Variants in EVL observed in about 807,000 individuals in gnomAD.
EVL encodes Enah/Vasp-like.
In EVL, 21 loss-of-function variants were observed where a neutral mutation model predicts 59.6. The observed-to-expected ratio is 0.35, with a 90% CI of 0.25 to 0.51. The LOEUF is 0.51. EVL is among the 20% of genes least tolerant of loss of function. EVL has a pLI of 0.97. For missense variants in EVL, 462 were observed against 546.6 expected, an observed-to-expected ratio of 0.85 and a Z score of 1.54; for synonymous variants, 198 against 203.5, an observed-to-expected ratio of 0.97 and a Z score of 0.23.
intron 3 of EVL, among the ~76,000 whole-genome samples, chr14:100,121,837 T>G (rs1595219241): frequency 1.3e-5 from 2 of 152,234 alleles, no homozygotes; most frequent in East Asian, 3.9e-4. Context: ...CACAGAAGGA[T>G]CTTGCGACAG....
chr14:100,011,614 A>C (rs1186177454), intron 1 of EVL, among the ~76,000 whole-genome samples: 1 of 152,172 alleles, frequency 6.6e-6, no homozygotes, highest in African/African-American at 2.4e-5. Flanking sequence ...TGAGCATATA[A>C]GCATCTTGGA....
At chr14:100,143,136 T>A (rs984591733) in intron 13 of EVL, among the ~76,000 whole-genome samples, 4 of 151,284 alleles carry the variant, frequency 2.6e-5, no homozygotes, top group African/African-American at 9.7e-5. Flanking sequence ...AGGCCGGGGG[T>A]TGGAGCACTA....
chr14:99,996,321 G>A (rs916825593), intron 1 of EVL, among the ~76,000 whole-genome samples: 4 of 152,060 alleles, frequency 2.6e-5, no homozygotes, highest in Admixed American at 2.6e-4. Context: ...ATCTAACATT[G>A]TTAATTCATC....
intron 1 of EVL, among the ~76,000 whole-genome samples, chr14:100,048,643 A>G (rs950228999): frequency 2.0e-5 from 3 of 152,246 alleles, no homozygotes; most frequent in African/African-American, 7.2e-5. Context: ...ATGAAAGCTT[A>G]CGTTCGTGAC....
At chr14:99,993,828 A>T (rs796804384) in intron 1 of EVL, among the ~76,000 whole-genome samples, 1 of 150,696 alleles carries the variant, frequency 6.6e-6, no homozygotes, top group Non-Finnish European at 1.5e-5. Context: ...AGTAGCTGGG[A>T]TTACAGGTGC....
chr14:100,101,149 C>G (rs1886192904), intron 3 of EVL, among the ~76,000 whole-genome samples: 1 of 152,090 alleles, frequency 6.6e-6, no homozygotes, highest in South Asian at 2.1e-4. Context: ...CACCTGAGGT[C>G]AAGAGTTCGA....
intron 3 of EVL, among the ~76,000 whole-genome samples, chr14:100,113,291 C>G (rs896322647): frequency 3.9e-5 from 6 of 152,114 alleles, no homozygotes; most frequent in Admixed American, 3.3e-4. Flanking sequence ...AGCGTAACAT[C>G]CCAGGCTTAG....
intron 1 of EVL, among the ~76,000 whole-genome samples, chr14:99,981,235 C>T (rs1355661726): frequency 6.6e-6 from 1 of 151,984 alleles, no homozygotes; most frequent in African/African-American, 2.4e-5. Flanking sequence ...AGTTGGAGAC[C>T]AGCTTGGCTA....
At chr14:100,001,890 G>T (rs554003440) in intron 1 of EVL, among the ~76,000 whole-genome samples, 1 of 152,078 alleles carries the variant, frequency 6.6e-6, no homozygotes, top group Admixed American at 6.6e-5. Context: ...AACCAGTTTC[G>T]CCTGTTACAA....
chr14:100,141,393 G>A (rs1039463206), intron 12 of EVL, 147 bp downstream of exon 12: 1 of 809,038 alleles, frequency 1.2e-6, no homozygotes, highest in Non-Finnish European at 1.9e-6. Flanking sequence ...GCAGAAAGGG[G>A]GTGCCCAAGC....
At chr14:99,982,832 G>A (rs1450062779) in intron 1 of EVL, among the ~76,000 whole-genome samples, 1 of 152,182 alleles carries the variant, frequency 6.6e-6, no homozygotes, top group African/African-American at 2.4e-5. Flanking sequence ...TGAGCAGCCT[G>A]GGTTTTAGAG....
rs1212555043 is a variant in EVL at position 100,132,747 on chromosome 14, C to G, written c.868C>G (p.Pro290Ala). ...RRKAASQSDK[P>A]AEKKEDESQM... ...AAAAGCAGCCTCCCAGTCAGACAAGCCAGCCGAGAAGAAGGAAGATGAAAG... is the reference window on the plus strand; with the variant it reads ...AAAAGCAGCCTCCCAGTCAGACAAGGCAGCCGAGAAGAAGGAAGATGAAAG... The change falls in exon 8 of 14, where the codon CCA becomes GCA. Residue 290 changes from proline (P) to alanine (A), a missense_variant. Coordinates refer to ENST00000392920, the MANE Select transcript of EVL (RefSeq NM_016337.3). 7.4e-6 allele frequency: 12 copies of G among 1,614,168 alleles called. No individual in the cohort carries two copies. Among genetic ancestry groups the G allele is most frequent in the Non-Finnish European group, 1.0e-5 (12 of 1,180,040 alleles).
intron 1 of EVL, among the ~76,000 whole-genome samples, chr14:100,011,081 A>C (rs1263528950): frequency 6.6e-6 from 1 of 152,238 alleles, no homozygotes; most frequent in Non-Finnish European, 1.5e-5. Context: ...TGAATGAGGA[A>C]GATACAAAAA....
At chr14:100,110,888 AG>A (rs1351162546) in intron 3 of EVL, among the ~76,000 whole-genome samples, 4 of 152,176 alleles carry the variant, frequency 2.6e-5, no homozygotes, top group Non-Finnish European at 4.4e-5. Flanking sequence ...GTGCCCAGTC[AG>A]GGTTTGAGAT....
At chr14:100,063,891 C>A (rs116560618), upstream of EVL, among the ~76,000 whole-genome samples, 1,288 of 152,320 alleles carry the variant, frequency 8.5e-3, 16 homozygotes, top group African/African-American at 0.029. Context: ...CAAATATGTT[C>A]TCTGGCCCCA....
At chr14:99,994,861 A>C (rs974556288) in intron 1 of EVL, among the ~76,000 whole-genome samples, 1 of 152,234 alleles carries the variant, frequency 6.6e-6, no homozygotes, top group African/African-American at 2.4e-5. Flanking sequence ...ATCTGAAAGA[A>C]GGGAAAAAAG....
intron 8 of EVL, chr14:100,134,723 AT>A (rs1375135221): frequency 1.3e-5 from 2 of 152,220 alleles, no homozygotes; most frequent in African/African-American, 4.8e-5. Context: ...AGAGCCCCAA[AT>A]GTGGAGTCCG....
intron 3 of EVL, among the ~76,000 whole-genome samples, chr14:100,101,843 T>C (rs1271315752): frequency 6.6e-6 from 1 of 152,132 alleles, no homozygotes; most frequent in East Asian, 1.9e-4. Context: ...TATTTGCATT[T>C]TTCTTTTTTT....
intron 3 of EVL, among the ~76,000 whole-genome samples, chr14:100,115,811 G>C (rs1595208091): frequency 6.6e-6 from 1 of 152,224 alleles, no homozygotes; most frequent in East Asian, 1.9e-4. Context: ...CAACTAAGCT[G>C]TCTAAGCTCG....
Sources: allele counts gnomAD v4.1 joint callset (sites outside exome capture counted in the v4.1 genomes callset), GRCh38; gene constraint gnomAD v4.1.1; transcripts MANE v1.5; gene names NCBI Gene and HGNC (gene_info 2026-07-23, HGNC 2026-07-21).